Variants in LMNTD1 observed in about 807,000 individuals in gnomAD.
LMNTD1 encodes the protein lamin tail domain containing 1, also known as lamin tail domain-containing protein 1.
A neutral mutation model predicts 50.9 loss-of-function variants in LMNTD1; 35 were observed. The ratio of observed to expected loss-of-function variants is 0.69; its 90% CI spans 0.53 to 0.91. The LOEUF (loss-of-function observed/expected upper bound fraction) is 0.91. LMNTD1 is among the 40% of genes least tolerant of loss of function. LMNTD1 has a pLI of 0.00. For synonymous variants in LMNTD1, 153 were observed against 161.9 expected, an observed-to-expected ratio of 0.94 and a Z score of 0.42; for missense variants, 470 against 475.5, an observed-to-expected ratio of 0.99 and a Z score of 0.11.
intron 1 of LMNTD1, among the ~76,000 whole-genome samples, chr12:25,610,135 C>T (rs543502985): frequency 5.9e-5 from 9 of 152,304 alleles, no homozygotes; most frequent in African/African-American, 1.9e-4. Flanking sequence ...GGCATGGGAC[C>T]TGCTGAGCCA....
At chr12:25,489,316 G>T (rs1043123122) in intron 9 of LMNTD1, among the ~76,000 whole-genome samples, 2 of 150,778 alleles carry the variant, frequency 1.3e-5, no homozygotes, top group South Asian at 4.3e-4. Flanking sequence ...CCAGGTGTGG[G>T]ATATAGTCTG....
chr12:25,482,496 C>T (rs1159127274), intron 9 of LMNTD1, among the ~76,000 whole-genome samples: 1 of 151,950 alleles, frequency 6.6e-6, no homozygotes, highest in Non-Finnish European at 1.5e-5. Context: ...ACCCATTATG[C>T]TTTTTGACAA....
intron 1 of LMNTD1, among the ~76,000 whole-genome samples, chr12:25,610,231 A>G (rs1946210965): frequency 6.6e-6 from 1 of 152,124 alleles, no homozygotes; most frequent in Admixed American, 6.5e-5. Flanking sequence ...CAATTTTCCC[A>G]GTACAGTCTG....
At chr12:25,596,289 CA>C (rs1170536729) in intron 1 of LMNTD1, among the ~76,000 whole-genome samples, 6 of 152,034 alleles carry the variant, frequency 3.9e-5, no homozygotes, top group Non-Finnish European at 8.8e-5. Context: ...AACTACAGGT[CA>C]ATATCTCTGA....
chr12:25,604,167 C>A (rs1946043452), intron 1 of LMNTD1, among the ~76,000 whole-genome samples: 1 of 151,994 alleles, frequency 6.6e-6, no homozygotes, highest in South Asian at 2.1e-4. Context: ...TTGTTTAGTT[C>A]TATTTTTTAC....
At position 25,494,459 on chromosome 12, in the gene LMNTD1, C is replaced by A. The variant is rs534003217; in HGVS notation, c.*22+9279G>T. Among the ~76,000 whole-genome samples, 1,072 of 152,138 alleles carry A rather than the reference C, an allele frequency of 7.0e-3. 7 individuals are homozygous for A. The highest frequency in any genetic ancestry group is 0.024 in the African/African-American group (1,001 of 41,520). Reference sequence around the variant, plus strand: ...TGATAATCTTATGGCATTGAATATACTGAAACTATCGTTGGCCTACGAAAA... The same window carrying A: ...TGATAATCTTATGGCATTGAATATAATGAAACTATCGTTGGCCTACGAAAA... On this transcript the variant is annotated intron_variant, in intron 9 of 9. Transcript: ENST00000458174.
chr12:25,505,425 A>C (rs1939683573), intron 8 of LMNTD1, among the ~76,000 whole-genome samples: 1 of 152,178 alleles, frequency 6.6e-6, no homozygotes, highest in Non-Finnish European at 1.5e-5. Context: ...ACTAAGACTA[A>C]TACCTTGGAA....
chr12:25,493,715 T>C (rs1938966355), intron 9 of LMNTD1, among the ~76,000 whole-genome samples: 1 of 152,176 alleles, frequency 6.6e-6, no homozygotes, highest in Non-Finnish European at 1.5e-5. Context: ...AATTTACAAA[T>C]AATAATGGGT....
At chr12:25,607,848 G>A (rs1405535090) in intron 1 of LMNTD1, among the ~76,000 whole-genome samples, 2 of 152,118 alleles carry the variant, frequency 1.3e-5, no homozygotes, top group African/African-American at 4.8e-5. Flanking sequence ...TGTCTATTAG[G>A]TCCACTTGGT....
At chr12:25,601,599 A>G (rs1945977100) in intron 1 of LMNTD1, among the ~76,000 whole-genome samples, 1 of 151,876 alleles carries the variant, frequency 6.6e-6, no homozygotes, top group African/African-American at 2.4e-5. Context: ...CCTACCTACT[A>G]TGTACCCACA....
intron 9 of LMNTD1, among the ~76,000 whole-genome samples, chr12:25,488,735 T>A (rs866257286): frequency 6.6e-6 from 1 of 152,270 alleles, no homozygotes; most frequent in African/African-American, 2.4e-5. Context: ...CCAGTTTTTC[T>A]GTTCTGATTT....
At chr12:25,639,880 C>CA (rs1191329166) in intron 1 of LMNTD1, among the ~76,000 whole-genome samples, 1 of 151,856 alleles carries the variant, frequency 6.6e-6, no homozygotes, top group African/African-American at 2.4e-5. Context: ...TCACAATAGC[C>CA]AAAAAATGGA....
chr12:25,622,463 G>GCCACCCCC (rs1946492551), intron 1 of LMNTD1, among the ~76,000 whole-genome samples: 1 of 111,154 alleles, frequency 9.0e-6, no homozygotes, highest in Non-Finnish European at 2.0e-5. Flanking sequence ...GAGTTTGTGA[G>GCCACCCCC]CCCGCCCCCC....
At chr12:25,526,295 T>A in intron 5 of LMNTD1, 77 bp from the exon 6 acceptor site, 1 of 1,386,770 alleles carries the variant, frequency 7.2e-7, no homozygotes, top group Non-Finnish European at 9.9e-7. Flanking sequence ...TACTCCAACA[T>A]AATCTTTCTG....
chr12:25,486,634 T>G (rs1247525362), intron 9 of LMNTD1, among the ~76,000 whole-genome samples: 8 of 149,968 alleles, frequency 5.3e-5, no homozygotes, highest in Non-Finnish European at 1.2e-4. Context: ...TGATATTGGC[T>G]GTGGGTTTGT....
rs77970891 is a variant in LMNTD1 at position 25,588,497 on chromosome 12, T to C, written c.59-41943A>G. 2.0e-3 allele frequency among the ~76,000 whole-genome samples: 298 copies of C among 152,114 alleles called. 6 individuals are homozygous for C. The East Asian group carries it at 0.047, about 24-fold the overall frequency. On this transcript the variant is annotated intron_variant, in intron 1 of 7. Coordinates refer to the LMNTD1 transcript ENST00000445693. ...TGTAAAGAAGTAAAAGCCAAAAGTA[T>C]AAAAATAACATACAGTTCAAAATAG...
chr12:25,506,443 T>C (rs945932675), intron 8 of LMNTD1, among the ~76,000 whole-genome samples: 1 of 152,142 alleles, frequency 6.6e-6, no homozygotes, highest in Non-Finnish European at 1.5e-5. Flanking sequence ...AAACTGAATA[T>C]GCTCACAATA....
At chr12:25,538,247 G>A (rs868368008) in intron 4 of LMNTD1, among the ~76,000 whole-genome samples, 1 of 111,816 alleles carries the variant, frequency 8.9e-6, no homozygotes, top group African/African-American at 3.1e-5. Context: ...TCCTCGAGAC[G>A]AGCAACTCCA....
At chr12:25,546,631 T>G in intron 3 of LMNTD1, 77 bp from the exon 4 acceptor site, 1 of 785,882 alleles carries the variant, frequency 1.3e-6, no homozygotes, top group Non-Finnish European at 1.8e-6. Context: ...AAAGCCATTA[T>G]CTTTATTCTC....
Sources: gnomAD v4.1 joint callset for allele counts (sites outside exome capture counted in the v4.1 genomes callset) on GRCh38, gnomAD v4.1.1 for gene constraint, MANE v1.5 for transcripts, NCBI Gene and HGNC (gene_info 2026-07-23, HGNC 2026-07-21) for gene names.